The following FAM83B variants were observed in gnomAD, a reference collection of about 807,000 sequenced individuals.
FAM83B encodes protein FAM83B.
Under a neutral mutation model 38.8 loss-of-function variants are expected in FAM83B, and 26 were observed. The observed-to-expected ratio is 0.67, with a 90% confidence interval of 0.49 to 0.93. The LOEUF (loss-of-function observed/expected upper bound fraction) is 0.93, where lower values mean the gene tolerates loss of function less well. FAM83B is among the 40% of genes least tolerant of loss of function. FAM83B has a pLI of 0.00. For synonymous variants in FAM83B, 419 were observed against 423.1 expected (o/e 0.99, Z 0.12); for missense variants, 1,237 against 1,197.3 (o/e 1.03, Z -0.49).
At chr6:54,850,339 C>T (rs557489623) in intron 1 of FAM83B, among the ~76,000 whole-genome samples, 3 of 152,192 alleles carry the variant, frequency 2.0e-5, no homozygotes, top group African/African-American at 7.2e-5. Context: ...CTCCTGTGTC[C>T]CACCCACACT....
chr6:54,879,436 T>C (rs1342402958), intron 2 of FAM83B, among the ~76,000 whole-genome samples: 1 of 152,152 alleles, frequency 6.6e-6, no homozygotes, highest in Non-Finnish European at 1.5e-5. Context: ...TTACAGGCAA[T>C]TATTTCGCAA....
At chr6:54,879,448 T>A (rs1772074129) in intron 2 of FAM83B, among the ~76,000 whole-genome samples, 1 of 152,156 alleles carries the variant, frequency 6.6e-6, no homozygotes, top group Non-Finnish European at 1.5e-5. Context: ...ATTTCGCAAT[T>A]CCTTTATGCT....
Position 54,941,450 on chromosome 6 carries a change from T to C in FAM83B, c.2479T>C (p.Ser827Pro). ...PKKSDTKVDS[S>P]PRRKHSSSSN... ...GAAATCAGACACAAAAGTTGATTCA[T>C]CTCCTAGAAGAAAGCATTCTTCCTC... The change falls in exon 5 of 5, where the codon TCT becomes CCT. Residue 827 changes from serine (S) to proline (P), a missense_variant. Ser to Pro is a moderately conservative substitution (Grantham distance 74, BLOSUM62 -1). Coordinates refer to ENST00000306858, the MANE Select transcript of FAM83B (RefSeq NM_001010872.3). 1 of 1,613,050 alleles carries C rather than the reference T, an allele frequency of 6.2e-7. No individual in the cohort carries two copies. Among genetic ancestry groups the C allele is most frequent in the Non-Finnish European group, 8.5e-7 (1 of 1,179,806 alleles).
chr6:54,907,629 A>AT (rs5876412), intron 2 of FAM83B, among the ~76,000 whole-genome samples: 2,030 of 150,636 alleles, frequency 0.013, 59 homozygotes, highest in African/African-American at 0.046. Context: ...TTTTATGAAG[A>AT]TTTTTTTTTA....
intron 2 of FAM83B, among the ~76,000 whole-genome samples, chr6:54,913,703 G>T (rs528195797): frequency 4.3e-4 from 65 of 152,000 alleles, no homozygotes; most frequent in Non-Finnish European, 7.2e-4. Flanking sequence ...AGCTAAGATA[G>T]GTTATTGAAT....
chr6:54,924,184 T>C (rs1454125986), intron 2 of FAM83B, among the ~76,000 whole-genome samples: 1 of 103,284 alleles, frequency 9.7e-6, no homozygotes, highest in Non-Finnish European at 1.9e-5. Flanking sequence ...ACAGTATTCA[T>C]TTATACACAC....
chr6:54,847,112 G>C (rs994112180), intron 1 of FAM83B, among the ~76,000 whole-genome samples: 2 of 152,062 alleles, frequency 1.3e-5, no homozygotes, highest in Non-Finnish European at 2.9e-5. Context: ...GAGTCGGTTT[G>C]GGTCCCCAGA....
chr6:54,915,346 T>C (rs1773008936), intron 2 of FAM83B, among the ~76,000 whole-genome samples: 1 of 152,200 alleles, frequency 6.6e-6, no homozygotes, highest in South Asian at 2.1e-4. Flanking sequence ...GAGATTTCTG[T>C]CTATCCTTTC....
chr6:54,904,128 C>CA (rs1772724477), intron 2 of FAM83B, among the ~76,000 whole-genome samples: 1 of 151,850 alleles, frequency 6.6e-6, no homozygotes, highest in African/African-American at 2.4e-5. Flanking sequence ...GTTCATTGCT[C>CA]AATTGTTAAG....
At chr6:54,903,068 A>G (rs1379311870) in intron 2 of FAM83B, among the ~76,000 whole-genome samples, 2 of 152,296 alleles carry the variant, frequency 1.3e-5, no homozygotes, top group Non-Finnish European at 2.9e-5. Context: ...ATTTGCATAT[A>G]TTTATAGATT....
chr6:54,939,614 A>G, intron 4 of FAM83B, 92 bp from the exon 5 acceptor site: 1 of 1,207,098 alleles, frequency 8.3e-7, no homozygotes, highest in Non-Finnish European at 1.1e-6. Flanking sequence ...AAAAGTACAA[A>G]AACATAGTCA....
intron 4 of FAM83B, among the ~76,000 whole-genome samples, chr6:54,938,670 A>G (rs1470961568): frequency 1.3e-5 from 2 of 151,866 alleles, no homozygotes; most frequent in East Asian, 3.9e-4. Flanking sequence ...TATATTTTCT[A>G]TTGAGAATTG....
At chr6:54,906,497 G>T (rs1772779208) in intron 2 of FAM83B, among the ~76,000 whole-genome samples, 1 of 152,068 alleles carries the variant, frequency 6.6e-6, no homozygotes, top group Admixed American at 6.6e-5. Flanking sequence ...CGATTCTCCT[G>T]CCTCAGCCTC....
chr6:54,867,318 A>G (rs1771733428), intron 1 of FAM83B, among the ~76,000 whole-genome samples: 1 of 152,038 alleles, frequency 6.6e-6, no homozygotes, highest in Non-Finnish European at 1.5e-5. Flanking sequence ...TGCAATACTC[A>G]CTATGCAAGT....
intron 2 of FAM83B, among the ~76,000 whole-genome samples, chr6:54,906,859 A>G (rs1318124393): frequency 1.3e-5 from 2 of 152,186 alleles, no homozygotes; most frequent in Non-Finnish European, 2.9e-5. Flanking sequence ...CTAAATAACA[A>G]CATACTGAAA....
At chr6:54,895,383 G>A (rs893686843) in intron 2 of FAM83B, among the ~76,000 whole-genome samples, 13 of 152,028 alleles carry the variant, frequency 8.6e-5, no homozygotes, top group African/African-American at 3.1e-4. Context: ...TACCTCCGTG[G>A]GACTTGTACA....
chr6:54,907,055 A>C (rs997411758), intron 2 of FAM83B, among the ~76,000 whole-genome samples: 1 of 152,258 alleles, frequency 6.6e-6, no homozygotes, highest in African/African-American at 2.4e-5. Flanking sequence ...ATTTATACTC[A>C]TTACAGTTAT....
rs1773468864 is a variant in FAM83B, at chr6:54,933,592, A to G, written c.734+5960A>G. On this transcript the variant is annotated intron_variant, in intron 4 of 4. Coordinates refer to ENST00000306858, the MANE Select transcript of FAM83B (RefSeq NM_001010872.3). ...TTTTTGCTAGTATTCAGACATCTTA[A>G]AAATAATCAGTCACCTCTCCCAGTC... 1.3e-5 allele frequency among the ~76,000 whole-genome samples: 2 copies of G among 152,040 alleles called. 1 individual carries two copies.
intron 2 of FAM83B, among the ~76,000 whole-genome samples, chr6:54,889,442 A>G (rs239783): frequency 0.65 from 99,035 of 151,914 alleles, 34,425 homozygotes; most frequent in East Asian, 0.89. Flanking sequence ...TTAAAATAAC[A>G]CTACCGCAGA....
Sources: allele counts gnomAD v4.1 joint callset (sites outside exome capture counted in the v4.1 genomes callset), GRCh38; gene constraint gnomAD v4.1.1; transcripts MANE v1.5; gene names NCBI Gene and HGNC (gene_info 2026-07-23, HGNC 2026-07-21).